EBF3: variants seen among roughly 807,000 people sequenced by gnomAD.
The protein encoded by EBF3 is EBF transcription factor 3, also known as transcription factor COE3.
In EBF3, 18 loss-of-function variants were observed where a neutral mutation model predicts 77.1. That is an observed-to-expected ratio of 0.23 (90% CI 0.16 to 0.35). EBF3 has a LOEUF of 0.35. Ranked by LOEUF, EBF3 falls within the 10% of genes least tolerant of loss-of-function variation. The pLI is 1.00. For synonymous variants in EBF3, 350 were observed against 343.5 expected (o/e 1.02, Z -0.21); for missense variants, 558 against 860.0 (o/e 0.65, Z 4.39).
At chr10:129,959,506 G>A (rs1859318205) in intron 4 of EBF3, among the ~76,000 whole-genome samples, 1 of 152,046 alleles carries the variant, frequency 6.6e-6, no homozygotes, top group Non-Finnish European at 1.5e-5. Context: ...GATGGTCGCG[G>A]CGCAGGAGCA....
intron 10 of EBF3, among the ~76,000 whole-genome samples, chr10:129,850,046 C>A (rs1305394142): frequency 3.3e-5 from 5 of 152,260 alleles, no homozygotes; most frequent in Admixed American, 6.5e-5. Flanking sequence ...GGCGCGTGCG[C>A]AGTCGCCCAG....
intron 6 of EBF3, among the ~76,000 whole-genome samples, chr10:129,914,785 C>T (rs1223727248): frequency 6.6e-6 from 1 of 152,186 alleles, no homozygotes; most frequent in African/African-American, 2.4e-5. Flanking sequence ...GGCCACTACT[C>T]ACCAGGTGTC....
chr10:129,934,655 C>T (rs538938961), intron 6 of EBF3, among the ~76,000 whole-genome samples: 1 of 152,306 alleles, frequency 6.6e-6, no homozygotes, highest in Admixed American at 6.5e-5. Context: ...CCTCCAATTT[C>T]CAGCCCATTC....
Position 129,947,026 on chromosome 10 carries a change from C to T in EBF3, c.554+10232G>A, listed in dbSNP as rs118135303. Among the ~76,000 whole-genome samples the T allele has an allele frequency of 0.033, 5,030 of 152,252 alleles. 126 individuals are homozygous for T. Among genetic ancestry groups the T allele is most frequent in the Non-Finnish European group, 0.045 (3,036 of 68,010 alleles). ...CGGCTGCCCAGTGGCTGGATCGGGCCGATGACCTCGGACAGTGGGGACCAG... is the reference window on the plus strand; with the variant it reads ...CGGCTGCCCAGTGGCTGGATCGGGCTGATGACCTCGGACAGTGGGGACCAG... On this transcript the variant is annotated intron_variant, in intron 6 of 16. Coordinates refer to ENST00000440978, the MANE Select transcript of EBF3 (RefSeq NM_001375380.1). This position sits in a 1 kb window ranked among gnomAD's most constrained non-coding sequence, Gnocchi z 4.5.
chr10:129,948,219 T>C (rs1161967978), intron 6 of EBF3, among the ~76,000 whole-genome samples: 7 of 135,462 alleles, frequency 5.2e-5, no homozygotes, highest in Admixed American at 2.5e-4. Flanking sequence ...GATTGCACCA[T>C]TGCACTCCAG....
chr10:129,946,168 C>T, intron 6 of EBF3, among the ~76,000 whole-genome samples: 1 of 152,268 alleles, frequency 6.6e-6, no homozygotes, highest in African/African-American at 2.4e-5. Context: ...CCCTGCTTCT[C>T]ACTGCTGGGC....
intron 10 of EBF3, among the ~76,000 whole-genome samples, chr10:129,854,355 T>A (rs1478387308): frequency 1.3e-5 from 2 of 152,142 alleles, no homozygotes; most frequent in Non-Finnish European, 2.9e-5. Context: ...GAGAGGTAGC[T>A]GGAGTTTCAG....
intron 10 of EBF3, among the ~76,000 whole-genome samples, chr10:129,860,527 G>A (rs944569426): frequency 2.6e-5 from 4 of 152,186 alleles, no homozygotes; most frequent in African/African-American, 9.7e-5. Context: ...TTCTCCTCCT[G>A]GGTTAGCGTG....
intron 6 of EBF3, among the ~76,000 whole-genome samples, chr10:129,936,618 G>A (rs1468568829): frequency 1.3e-5 from 2 of 151,298 alleles, no homozygotes; most frequent in African/African-American, 2.4e-5. Flanking sequence ...GGAACCAGGG[G>A]TTATGGCAGG....
chr10:129,899,586 C>G (rs1210729118), intron 6 of EBF3, among the ~76,000 whole-genome samples: 1 of 152,164 alleles, frequency 6.6e-6, no homozygotes, highest in Admixed American at 6.5e-5. Flanking sequence ...GTCCCAGTTG[C>G]TCTTTGAAAT....
rs562036414 is a variant in EBF3 at position 129,874,726 on chromosome 10, G to A, written c.637-1130C>T. On this transcript the variant is annotated intron_variant, in intron 7 of 16. Coordinates refer to ENST00000440978, the MANE Select transcript of EBF3 (RefSeq NM_001375380.1). ...ACCACAGCCCTACAGAGAATTGTGC[G>A]GTGGTTGCACGTGAGTGGAGAAGCG... Among the ~76,000 whole-genome samples the A allele has an allele frequency of 1.1e-3, 167 of 152,296 alleles. 2 individuals are homozygous for A. Among genetic ancestry groups the A allele is most frequent in the Non-Finnish European group, 1.7e-3 (119 of 68,026 alleles).
chr10:129,845,045 T>G (rs1850356110), intron 11 of EBF3, among the ~76,000 whole-genome samples: 2 of 152,204 alleles, frequency 1.3e-5, no homozygotes, highest in African/African-American at 4.8e-5. Context: ...ACTTTGCAAT[T>G]GGAACATAAG....
At chr10:129,950,486 T>G (rs994417106) in intron 6 of EBF3, among the ~76,000 whole-genome samples, 2 of 152,240 alleles carry the variant, frequency 1.3e-5, no homozygotes, top group African/African-American at 4.8e-5. Context: ...CTCTATCGAA[T>G]TGTTGGCAAA....
chr10:129,878,775 G>A (rs1852977500), intron 6 of EBF3, among the ~76,000 whole-genome samples: 1 of 126,756 alleles, frequency 7.9e-6, no homozygotes, highest in African/African-American at 2.9e-5. Context: ...AGTGAGCGGA[G>A]ATTGCACCAC....
rs563519214 is a variant in EBF3 at position 129,877,558 on chromosome 10, A to C, written c.636+210T>G. Among the ~76,000 whole-genome samples, 19 of 150,650 alleles carry C rather than the reference A, an allele frequency of 1.3e-4. No individual in the cohort carries two copies. The East Asian group carries it at 3.3e-3, about 27-fold the overall frequency. ...GTTCGCTGTTCGCTATATTGTGCCCACATTAGACTTGATGAATCTGGCATA... is the reference window on the plus strand; with the variant it reads ...GTTCGCTGTTCGCTATATTGTGCCCCCATTAGACTTGATGAATCTGGCATA... On this transcript the variant is annotated intron_variant, in intron 7 of 16. Coordinates refer to ENST00000440978, the MANE Select transcript of EBF3 (RefSeq NM_001375380.1).
chr10:129,841,099 C>T lies in EBF3; in HGVS notation c.1373-67G>A, dbSNP rs1850020427. The T allele has an allele frequency of 6.4e-7, 1 of 1,572,386 alleles. No individual in the cohort carries two copies. Among genetic ancestry groups the T allele is most frequent in the Non-Finnish European group, 8.6e-7 (1 of 1,160,060 alleles). On this transcript the variant is annotated intron_variant, in intron 13 of 16. Coordinates refer to ENST00000440978, the MANE Select transcript of EBF3 (RefSeq NM_001375380.1). The surrounding 1 kb of genome is among the most constrained non-coding windows in gnomAD (Gnocchi z 4.6). ...AGCGACAGACACTTGGGGGGGGTTC[C>T]CCGAGAATCTATATCATATATTAAC...
chr10:129,964,114 G>C lies in EBF3; in HGVS notation c.-346C>G, dbSNP rs1002132600. The C allele has an allele frequency of 1.2e-5, 12 of 984,962 alleles. No individual in the cohort carries two copies. Among genetic ancestry groups the C allele is most frequent in the Non-Finnish European group, 2.4e-6 (2 of 829,844 alleles). The allele number at this position is 984,962 out of a possible 1,614,324, so 61.0% of individuals were successfully genotyped here. On this transcript the variant is annotated 5_prime_UTR_variant, in exon 1 of 17. It adds an upstream start codon to the 5' untranslated region. Transcript: ENST00000440978. The surrounding 1 kb of genome is among the most constrained non-coding windows in gnomAD (Gnocchi z 4.5). ...CGTCCGCGGCTGCAGGACACTGCGGGATCGCCCGCTTCTGGCGCGGCCCGC... is the reference window on the plus strand; with the variant it reads ...CGTCCGCGGCTGCAGGACACTGCGGCATCGCCCGCTTCTGGCGCGGCCCGC...
chr10:129,852,646 T>A (rs1850972899), intron 10 of EBF3, among the ~76,000 whole-genome samples: 1 of 152,224 alleles, frequency 6.6e-6, no homozygotes, highest in Non-Finnish European at 1.5e-5. Context: ...GTCCGTTAAC[T>A]TATAAACGTC....
At chr10:129,958,668 C>T (rs1589961384) in intron 5 of EBF3, among the ~76,000 whole-genome samples, 1 of 152,224 alleles carries the variant, frequency 6.6e-6, no homozygotes, top group Non-Finnish European at 1.5e-5. Context: ...ATCACCCAGA[C>T]CTGTTTTCAT....
Sources: allele counts gnomAD v4.1 joint callset (sites outside exome capture counted in the v4.1 genomes callset), GRCh38; gene constraint gnomAD v4.1.1; non-coding constraint Gnocchi (gnomAD v3.1); transcripts MANE v1.5; gene names NCBI Gene and HGNC (gene_info 2026-07-23, HGNC 2026-07-21).